The following PALS2 variants were observed in gnomAD, a reference collection of about 807,000 sequenced individuals.
PALS2 encodes the protein protein PALS2.
PALS2 carries 27 observed loss-of-function variants against 61.6 expected under a neutral mutation model. The observed-to-expected ratio is 0.44, with a 90% CI of 0.32 to 0.60. The LOEUF (loss-of-function observed/expected upper bound fraction) is 0.60, where lower values mean the gene tolerates loss of function less well. PALS2 is among the 20% of genes least tolerant of loss of function. The pLI, the probability that PALS2 is intolerant of heterozygous loss-of-function variation, is 0.05. For missense variants in PALS2, 554 were observed against 639.4 expected (o/e 0.87, Z 1.44); for synonymous variants, 236 against 218.6 (o/e 1.08, Z -0.70).
At position 24,687,615 on chromosome 7, in the gene PALS2, T is replaced by C; in HGVS notation, c.*1T>C. On this transcript the variant is annotated 3_prime_UTR_variant, in exon 12 of 12. Coordinates refer to ENST00000222644, the MANE Select transcript of PALS2 (RefSeq NM_001303037.2). This position sits in a 1 kb window ranked among gnomAD's most constrained non-coding sequence, Gnocchi z 4.5. ...GGTCCCAATCAGCTGGGTTTACTGA[T>C]GATTCAGTAAGGTTAACAATGAAAA... 6.3e-7 allele frequency: 1 copy of C among 1,599,460 alleles called. No homozygotes were observed. The highest frequency in any genetic ancestry group is 8.5e-7 in the Non-Finnish European group (1 of 1,175,798).
At chr7:24,669,478 C>T (rs1226753556) in intron 9 of PALS2, among the ~76,000 whole-genome samples, 1 of 152,148 alleles carries the variant, frequency 6.6e-6, no homozygotes, top group African/African-American at 2.4e-5. Flanking sequence ...TGTTCTCTCC[C>T]TTGAAGAAAG....
At chr7:24,580,540 C>G (rs1189894764) in intron 1 of PALS2, among the ~76,000 whole-genome samples, 3 of 152,208 alleles carry the variant, frequency 2.0e-5, no homozygotes, top group African/African-American at 7.2e-5. Context: ...GCATACTCTT[C>G]CCTCCTCTGC....
intron 8 of PALS2, among the ~76,000 whole-genome samples, chr7:24,668,295 G>A (rs1787132683): frequency 6.6e-6 from 1 of 151,330 alleles, no homozygotes; most frequent in African/African-American, 2.5e-5. Context: ...GGGTGACAGT[G>A]AGCCCCGGTC....
At chr7:24,649,000 C>T (rs563644033) in intron 3 of PALS2, among the ~76,000 whole-genome samples, 42 of 151,474 alleles carry the variant, frequency 2.8e-4, no homozygotes, top group African/African-American at 9.5e-4. Context: ...AAAAAAAATA[C>T]GTTATATTCG....
chr7:24,686,835 G>A (rs1788230889), intron 11 of PALS2, among the ~76,000 whole-genome samples: 1 of 152,164 alleles, frequency 6.6e-6, no homozygotes, highest in South Asian at 2.1e-4. Flanking sequence ...CATTGCTTAT[G>A]TACTCCCCAC....
chr7:24,647,202 A>G (rs1244197150), intron 3 of PALS2, among the ~76,000 whole-genome samples: 5 of 149,644 alleles, frequency 3.3e-5, no homozygotes, highest in African/African-American at 9.9e-5. Context: ...GCTGGAGTGC[A>G]GTGGCACGAT....
chr7:24,581,452 G>A (rs1004565146), intron 1 of PALS2, among the ~76,000 whole-genome samples: 2 of 152,196 alleles, frequency 1.3e-5, no homozygotes, highest in African/African-American at 2.4e-5. Flanking sequence ...ATATCTTGTG[G>A]AGGGGGAGAC....
rs989029801 is a variant in PALS2 at position 24,691,024 on chromosome 7, A to G, written c.*3410A>G. 2.0e-5 allele frequency: 3 copies of G among 152,152 alleles called. No homozygotes were observed. The highest frequency in any genetic ancestry group is 4.1e-4 in the South Asian group (2 of 4,832). 9.4% of individuals were successfully genotyped at this position (152,152 alleles called of 1,614,324 possible). On this transcript the variant is annotated 3_prime_UTR_variant, in exon 12 of 12. Transcript: ENST00000222644. The stretch of plus-strand genomic sequence containing the variant: ...TAACTGCTTTGACCATAATATCCCA[A>G]TGACAATAAAAAATGATCCTTGGTT...
chr7:24,660,286 A>C, intron 5 of PALS2, among the ~76,000 whole-genome samples: 1 of 151,968 alleles, frequency 6.6e-6, no homozygotes, highest in Non-Finnish European at 1.5e-5. Context: ...TTCAGTTGAG[A>C]TCTCCCTCTG....
At chr7:24,674,154 C>G (rs1012764601) in intron 9 of PALS2, among the ~76,000 whole-genome samples, 1 of 152,132 alleles carries the variant, frequency 6.6e-6, no homozygotes, top group African/African-American at 2.4e-5. Flanking sequence ...CTGTGCTGTT[C>G]CAACCCTTCT....
chr7:24,652,666 C>A (rs1435154835), intron 5 of PALS2, among the ~76,000 whole-genome samples: 2 of 151,926 alleles, frequency 1.3e-5, no homozygotes, highest in Non-Finnish European at 2.9e-5. Flanking sequence ...ATCTGCAAAC[C>A]ATGGGCATCC....
intron 1 of PALS2, among the ~76,000 whole-genome samples, chr7:24,619,128 G>A (rs764148462): frequency 1.3e-5 from 2 of 152,130 alleles, no homozygotes; most frequent in East Asian, 1.9e-4. Context: ...TTGGTCTTTC[G>A]TGATCCATAA....
At chr7:24,678,255 G>A (rs138290859) in intron 9 of PALS2, among the ~76,000 whole-genome samples, 45 of 152,300 alleles carry the variant, frequency 3.0e-4, no homozygotes, top group African/African-American at 9.1e-4. Context: ...AGGGTTGTAT[G>A]TCTCTGAAAG....
chr7:24,649,898 A>G (rs1786051602), intron 4 of PALS2, 134 bp downstream of exon 4: 1 of 801,096 alleles, frequency 1.2e-6, no homozygotes, highest in Non-Finnish European at 1.8e-6. Flanking sequence ...CTGTGTATAA[A>G]GACACAGCTG....
At chr7:24,612,220 T>G (rs1402066592) in intron 1 of PALS2, among the ~76,000 whole-genome samples, 1 of 152,022 alleles carries the variant, frequency 6.6e-6, no homozygotes, top group African/African-American at 2.4e-5. Flanking sequence ...CAATCTAACA[T>G]ATTTTACTGA....
intron 3 of PALS2, among the ~76,000 whole-genome samples, chr7:24,646,896 A>G (rs1181693374): frequency 1.3e-5 from 2 of 152,112 alleles, no homozygotes; most frequent in Non-Finnish European, 2.9e-5. Context: ...GTATATGTCT[A>G]GGAATTTATC....
At chr7:24,639,408 A>G (rs1785400834) in intron 2 of PALS2, among the ~76,000 whole-genome samples, 2 of 53,760 alleles carry the variant, frequency 3.7e-5, no homozygotes, top group East Asian at 2.6e-3. Flanking sequence ...TGCTGAATAC[A>G]CACACACACA....
intron 5 of PALS2, among the ~76,000 whole-genome samples, chr7:24,657,171 G>C (rs1786462916): frequency 6.6e-6 from 1 of 152,028 alleles, no homozygotes. Flanking sequence ...ACCAGTATGG[G>C]GCTTTTACAA....
At position 24,596,306 on chromosome 7, in the gene PALS2, T is replaced by C. The variant is rs935231028; in HGVS notation, c.-3+22713T>C. Among the ~76,000 whole-genome samples, 1 of 152,150 alleles carries C rather than the reference T, an allele frequency of 6.6e-6. No homozygotes were observed. Among genetic ancestry groups the C allele is most frequent in the African/African-American group, 2.4e-5 (1 of 41,432 alleles). ...GGCAAGGGAGTCAGATGGCTTTTCT[T>C]CAGTCACCTCCATTGTGACCGAATT... On this transcript the variant is annotated intron_variant, in intron 1 of 11. Transcript: ENST00000222644. This position sits in a 1 kb window ranked among gnomAD's most constrained non-coding sequence, Gnocchi z 4.5.
Sources: gnomAD v4.1 joint callset for allele counts (sites outside exome capture counted in the v4.1 genomes callset) on GRCh38, gnomAD v4.1.1 for gene constraint, Gnocchi (gnomAD v3.1) non-coding constraint, MANE v1.5 for transcripts, NCBI Gene and HGNC (gene_info 2026-07-23, HGNC 2026-07-21) for gene names.